The following RHPN1 variants were observed in gnomAD, a reference collection of about 807,000 sequenced individuals.
RHPN1 encodes rhophilin-1.
RHPN1 carries 77 observed loss-of-function variants against 74.7 expected under a neutral mutation model. That is an observed-to-expected ratio of 1.03 (90% CI 0.86 to 1.25). The LOEUF is 1.25. Ranked by LOEUF, RHPN1 falls within the 50% of genes most tolerant of loss-of-function variation. The pLI is 0.00. For missense variants in RHPN1, 987 were observed against 932.2 expected, an observed-to-expected ratio of 1.06 and a Z score of -0.77; for synonymous variants, 444 against 414.5, an observed-to-expected ratio of 1.07 and a Z score of -0.87.
At position 143,380,037 on chromosome 8, in the gene RHPN1, G is replaced by T. The variant is rs974184019; in HGVS notation, c.1103-25G>T. 1.9e-6 allele frequency: 3 copies of T among 1,547,142 alleles called. No individual in the cohort carries two copies. In the African/African-American group the frequency reaches 4.1e-5, roughly 21 times the overall value. ...GTACTGCCAAGGCCCCCCCGCGCAG[G>T]GCTCACAGCCTCTCTGTCCCCCAGC... On this transcript the variant is annotated intron_variant, in intron 9 of 14. Transcript: ENST00000289013.
At chr8:143,380,526 T>A in intron 10 of RHPN1, 63 bp from the exon 11 acceptor site, 9 of 1,397,004 alleles carry the variant, frequency 6.4e-6, no homozygotes, top group Non-Finnish European at 8.5e-6. Context: ...GCCCACTCCT[T>A]CTGCCACGTC....
At position 143,382,001 on chromosome 8, in the gene RHPN1, C is replaced by T; in HGVS notation, c.1797+33C>T. The T allele has an allele frequency of 4.6e-6, 7 of 1,537,182 alleles. No homozygotes were observed. In the Admixed American group the frequency reaches 1.4e-4, roughly 30 times the overall value. ...CCTGGGGCCCCAGAGGGGCGGTCCCCAGCTTGCTGTCACCACCCTGGCCCT... is the reference window on the plus strand; with the variant it reads ...CCTGGGGCCCCAGAGGGGCGGTCCCTAGCTTGCTGTCACCACCCTGGCCCT... On this transcript the variant is annotated intron_variant, in intron 14 of 14. Coordinates refer to ENST00000289013, the MANE Select transcript of RHPN1 (RefSeq NM_052924.3).
rs1818632344 is a variant in RHPN1 at position 143,380,407 on chromosome 8, T to C, written c.1217-182T>C. The C allele has an allele frequency of 1.7e-5, 11 of 664,884 alleles. No homozygotes were observed. In the South Asian group the frequency reaches 2.2e-4, roughly 13 times the overall value. 41.2% of individuals were successfully genotyped at this position (664,884 alleles called of 1,614,324 possible). The stretch of plus-strand genomic sequence containing the variant: ...GAGACCACTGGGAGCAGCTCATCCC[T>C]GGCCCCTGCTTTGCACGTGGCAGAG... On this transcript the variant is annotated intron_variant, in intron 10 of 14. Transcript: ENST00000289013.
chr8:143,376,881 T>TGC (rs144156673), intron 3 of RHPN1, among the ~76,000 whole-genome samples: 2 of 1,072 alleles, frequency 1.9e-3, no homozygotes, highest in East Asian at 0.029. Context: ...TGTGTGTGCA[T>TGC]GTGTGTGCAT....
chr8:143,379,196 G>A, intron 7 of RHPN1, 118 bp downstream of exon 7: 2 of 1,383,982 alleles, frequency 1.4e-6, no homozygotes, highest in South Asian at 1.5e-5. Context: ...TAGGGGGAGT[G>A]AGCACATCAG....
At chr8:143,370,217 T>C (rs1029006611) in intron 1 of RHPN1, among the ~76,000 whole-genome samples, 27 of 152,220 alleles carry the variant, frequency 1.8e-4, no homozygotes, top group African/African-American at 6.5e-4. Flanking sequence ...GGGCTCCCTG[T>C]CCTGGCCCTC....
In RHPN1 at chr8:143,377,059, T is replaced by C. The variant is rs113168340; in HGVS notation, c.306-321T>C. On this transcript the variant is annotated intron_variant, in intron 3 of 14. Transcript: ENST00000289013. ...ACGTGTGTCTGTGTGTGTCTGTGTG[T>C]GCGCGTGTGTGTGTCTGCACGTGTG... 2.0e-3 allele frequency among the ~76,000 whole-genome samples: 51 copies of C among 25,272 alleles called. No individual in the cohort carries two copies. In the East Asian group the frequency reaches 0.023, roughly 11 times the overall value. 16.6% of individuals were successfully genotyped at this position (25,272 alleles called of 152,430 possible).
chr8:143,379,479 C>A lies in RHPN1; in HGVS notation c.916C>A (p.Gln306Lys), dbSNP rs868623562. 6.4e-7 allele frequency: 1 copy of A among 1,564,328 alleles called. No individual in the cohort carries two copies. The highest frequency in any genetic ancestry group is 2.4e-5 in the East Asian group (1 of 41,790). ...CATGGCCCCCCAAGACTGCCTGGCCCAGCTGCGCCTGGCGCAGGAGGCCGC... is the reference window on the plus strand; with the variant it reads ...CATGGCCCCCCAAGACTGCCTGGCCAAGCTGCGCCTGGCGCAGGAGGCCGC... ...ASMAPQDCLA[Q>K]LRLAQEAAQV... The change falls in exon 8 of 15, where the codon CAG becomes AAG. Residue 306 changes from glutamine (Q) to lysine (K), a missense_variant. Coordinates refer to ENST00000289013, the MANE Select transcript of RHPN1 (RefSeq NM_052924.3).
At chr8:143,381,218 G>A (rs1360544331) in intron 11 of RHPN1, 50 bp from the exon 12 acceptor site, 1 of 1,514,818 alleles carries the variant, frequency 6.6e-7, no homozygotes, top group Admixed American at 1.8e-5. Context: ...AAATCCCCGA[G>A]GCAGGTCTCC....
intron 5 of RHPN1, 129 bp from the exon 6 acceptor site, chr8:143,378,567 G>A (rs560699923): frequency 3.9e-5 from 51 of 1,303,600 alleles, no homozygotes; most frequent in African/African-American, 3.8e-4. Flanking sequence ...CGGGAGTCAC[G>A]GCTGCCCAGG....
At chr8:143,371,547 A>G (rs962373444) in intron 1 of RHPN1, among the ~76,000 whole-genome samples, 11 of 152,058 alleles carry the variant, frequency 7.2e-5, no homozygotes, top group Non-Finnish European at 1.3e-4. Context: ...TGGGATAACT[A>G]TCTCTGCCTT....
Position 143,380,777 on chromosome 8 carries a change from A to G in RHPN1, c.1405A>G (p.Ile469Val), listed in dbSNP as rs374806526. 8 of 1,568,708 alleles carry G rather than the reference A, an allele frequency of 5.1e-6. No homozygotes were observed. In the African/African-American group the frequency reaches 8.1e-5, roughly 16 times the overall value. ...CTGTGAGGCTGCCGAGGCCCCGGACATCCAGCGTGAGCAGCCAGGGCCTGT... is the reference window on the plus strand; with the variant it reads ...CTGTGAGGCTGCCGAGGCCCCGGACGTCCAGCGTGAGCAGCCAGGGCCTGT... ...DFCEAAEAPD[I>V]QPKTHQKPEA... The change falls in exon 11 of 15, where the codon ATC becomes GTC. Residue 469 changes from isoleucine to valine, a missense_variant. Ile to Val is a conservative substitution (Grantham distance 29). Coordinates refer to ENST00000289013, the MANE Select transcript of RHPN1 (RefSeq NM_052924.3).
upstream of RHPN1, among the ~76,000 whole-genome samples, chr8:143,365,844 A>T (rs910523539): frequency 2.0e-5 from 3 of 151,424 alleles, no homozygotes; most frequent in African/African-American, 7.3e-5. Context: ...AAAAAATACA[A>T]AAGTTATCTG....
At chr8:143,380,421 C>A in intron 10 of RHPN1, 168 bp from the exon 11 acceptor site, 1 of 682,054 alleles carries the variant, frequency 1.5e-6, no homozygotes. Context: ...CCCTGCTTTG[C>A]ACGTGGCAGA....
chr8:143,378,626 G>A (rs979785378), intron 5 of RHPN1, 70 bp from the exon 6 acceptor site: 2 of 1,535,052 alleles, frequency 1.3e-6, no homozygotes, highest in Admixed American at 1.9e-5. Context: ...GTGCCCATGG[G>A]ACTTCCCAGG....
intron 8 of RHPN1, 102 bp downstream of exon 8, chr8:143,379,610 G>T: frequency 6.9e-7 from 1 of 1,453,012 alleles, no homozygotes; most frequent in Non-Finnish European, 9.1e-7. Context: ...TTCCTTGTGT[G>T]TCAGCCCCGA....
Position 143,379,461 on chromosome 8 carries a change from C to T in RHPN1, c.898C>T (p.Pro300Ser). 1.3e-6 allele frequency: 2 copies of T among 1,571,014 alleles called. No homozygotes were observed. The highest frequency in any genetic ancestry group is 1.2e-5 in the South Asian group (1 of 85,710). Residue 300 changes from proline (P) to serine (S), a missense_variant, in exon 8 of 15, where the codon CCC (proline) becomes TCC (serine). By Grantham distance (74) the Pro-to-Ser change is moderately conservative (BLOSUM62 -1). Transcript: ENST00000289013. ...CCTCTCACCACCTGCCTCCATGGCC[C>T]CCCAAGACTGCCTGGCCCAGCTGCG... is the stretch of plus-strand genomic sequence containing the variant. ...EGLSPPASMA[P>S]QDCLAQLRLA... is the part of the protein sequence containing the mutation.
rs1048232375 is a variant in RHPN1 at position 143,381,887 on chromosome 8, G to A, written c.1716G>A (p.Val572=). ...GGTGGTGGAGACACGCGGAGGTGGT[G>A]ACGGAGCTGAAGGCTGCGGGAGAGG... is the stretch of plus-strand genomic sequence containing the variant. ...PCRWWRHAEV[V]TELKAAGEAG... is the part of the protein sequence containing the mutation. The change falls in exon 14 of 15, where the codon GTG becomes GTA. Residue 572 remains valine (V), a synonymous_variant. Transcript: ENST00000289013. The A allele has an allele frequency of 6.8e-6, 11 of 1,612,840 alleles. No individual in the cohort carries two copies. The highest frequency in any genetic ancestry group is 3.3e-5 in the Admixed American group (2 of 59,988).
At chr8:143,371,084 G>A (rs985061965) in intron 1 of RHPN1, among the ~76,000 whole-genome samples, 2 of 152,172 alleles carry the variant, frequency 1.3e-5, no homozygotes, top group Admixed American at 6.5e-5. Flanking sequence ...GAAGAGGGGT[G>A]CTCAGGAAGC....
Sources: allele counts gnomAD v4.1 joint callset (sites outside exome capture counted in the v4.1 genomes callset), GRCh38; gene constraint gnomAD v4.1.1; transcripts MANE v1.5; gene names NCBI Gene and HGNC (gene_info 2026-07-23, HGNC 2026-07-21).